Variants in ZNF34 observed in about 807,000 individuals in gnomAD.
The protein encoded by ZNF34 is zinc finger protein 34.
ZNF34 carries 8 observed loss-of-function variants against 14.4 expected under a neutral mutation model. The ratio of observed to expected loss-of-function variants is 0.55; its 90% confidence interval spans 0.33 to 1.00. The LOEUF is 1.00. Among genes scored for constraint, ZNF34 ranks in the 50% least tolerant of loss-of-function variants. ZNF34 has a pLI of 0.03. For missense variants in ZNF34, 538 were observed against 674.2 expected (o/e 0.80, Z 2.24); for synonymous variants, 235 against 247.9 (o/e 0.95, Z 0.49).
In ZNF34 at chr8:144,773,653, G is replaced by A; in HGVS notation, c.1233C>T (p.Thr411=). 1 of 1,614,004 alleles carries A rather than the reference G, an allele frequency of 6.2e-7. No individual in the cohort carries two copies. Among genetic ancestry groups the A allele is most frequent in the Non-Finnish European group, 8.5e-7 (1 of 1,179,960 alleles). The change falls in exon 6 of 6, where the codon ACC becomes ACT. Residue 411 remains threonine (T), a synonymous_variant. Coordinates refer to ENST00000429371, the MANE Select transcript of ZNF34 (RefSeq NM_001286769.2). The surrounding 1 kb of genome is among the most constrained non-coding windows in gnomAD (Gnocchi z 5.4). ...NECEKAFIQK[T]KLVEHQRSHT... is the part of the protein sequence containing the mutation. ...GGCTTCTCTGATGTTCCACGAGTTT[G>A]GTTTTTTGAATGAAAGCTTTCTCAC...
At chr8:144,783,468 T>C (rs1192315127) in intron 1 of ZNF34, among the ~76,000 whole-genome samples, 3 of 152,290 alleles carry the variant, frequency 2.0e-5, no homozygotes, top group South Asian at 4.1e-4. Context: ...ATAATCTACA[T>C]AGAAAATCCA....
intron 1 of ZNF34, among the ~76,000 whole-genome samples, chr8:144,783,155 C>T (rs991307467): frequency 1.2e-4 from 18 of 151,998 alleles, no homozygotes; most frequent in African/African-American, 4.3e-4. Context: ...GTGGCACATG[C>T]CTGTAGTCCC....
At position 144,773,512 on chromosome 8, in the gene ZNF34, C is replaced by T; in HGVS notation, c.1374G>A (p.Glu458=). 3.7e-6 allele frequency: 6 copies of T among 1,614,186 alleles called. No homozygotes were observed. The highest frequency in any genetic ancestry group is 5.1e-6 in the Non-Finnish European group (6 of 1,180,026). The change falls in exon 6 of 6, where the codon GAG becomes GAA. Residue 458 remains glutamate (E), a synonymous_variant. Coordinates refer to ENST00000429371, the MANE Select transcript of ZNF34 (RefSeq NM_001286769.2). This position sits in a 1 kb window ranked among gnomAD's most constrained non-coding sequence, Gnocchi z 5.4. ...AACTGTTGTGGAAGGCCTTCCCACA[C>T]TCGCTGCACTTGTAGGGCTTCTCTC... The part of the protein sequence containing the change: ...HTGEKPYKCS[E]CGKAFHNSSR...
chr8:144,780,509 C>T (rs557733305), intron 1 of ZNF34, among the ~76,000 whole-genome samples: 182 of 152,244 alleles, frequency 1.2e-3, no homozygotes, highest in South Asian at 8.3e-4. Context: ...CAGAACTGGC[C>T]GGGTGTGGTG....
chr8:144,787,150 G>T, intron 1 of ZNF34, 129 bp downstream of exon 1: 1 of 152,480 alleles, frequency 6.6e-6, no homozygotes, highest in Non-Finnish European at 1.5e-5. Flanking sequence ...AGGAAGTGCC[G>T]CTGATGGCGG....
chr8:144,773,137 G>C lies in ZNF34; in HGVS notation c.*129C>G. The C allele has an allele frequency of 9.7e-7, 1 of 1,029,956 alleles. No individual in the cohort carries two copies. The highest frequency in any genetic ancestry group is 1.3e-6 in the Non-Finnish European group (1 of 748,716). 63.8% of individuals were successfully genotyped at this position (1,029,956 alleles called of 1,614,324 possible). ...GCTTTTGATTTAAGAAAAGAGGTTT[G>C]TTTAATGAGAAACGTCCTTTCACTC... On this transcript the variant is annotated 3_prime_UTR_variant, in exon 6 of 6. Transcript: ENST00000429371. The surrounding 1 kb of genome is among the most constrained non-coding windows in gnomAD (Gnocchi z 5.4).
intron 1 of ZNF34, among the ~76,000 whole-genome samples, chr8:144,785,984 T>G (rs1310217692): frequency 7.0e-6 from 1 of 143,856 alleles, no homozygotes. Flanking sequence ...AGGTAGTTTT[T>G]TTTTTTTTTT....
At position 144,776,911 on chromosome 8, in the gene ZNF34, C is replaced by CA. The variant is rs149216566; in HGVS notation, c.280+546dup. On this transcript the variant is annotated intron_variant, in intron 5 of 5. Coordinates refer to ENST00000429371, the MANE Select transcript of ZNF34 (RefSeq NM_001286769.2). The stretch of plus-strand genomic sequence containing the variant: ...TGGGTGATAGAGGGCGACCCTGTCT[C>CA]AAAAAAAAAAAAAAAAAAAAGCAGT... Among the ~76,000 whole-genome samples, 577 of 100,762 alleles carry CA rather than the reference C, an allele frequency of 5.7e-3. 4 individuals carry two copies. Among genetic ancestry groups the CA allele is most frequent in the Middle Eastern group, 0.019 (4 of 206 alleles). The allele number at this position is 100,762 out of a possible 152,430, so 66.1% of individuals were successfully genotyped here. A position where few individuals can be genotyped will look rare whatever the true frequency, so the allele number is the denominator to read the frequency against.
At position 144,779,263 on chromosome 8, in the gene ZNF34, T is replaced by C. The variant is rs1482827195; in HGVS notation, c.-54-738A>G. Among the ~76,000 whole-genome samples, 1 of 152,180 alleles carries C rather than the reference T, an allele frequency of 6.6e-6. No individual in the cohort carries two copies. Among genetic ancestry groups the C allele is most frequent in the African/African-American group, 2.4e-5 (1 of 41,440 alleles). On this transcript the variant is annotated intron_variant, in intron 2 of 5. Transcript: ENST00000429371. This position sits in a 1 kb window ranked among gnomAD's most constrained non-coding sequence, Gnocchi z 4.1. ...CTCTCCCAGGCTCATAAACATGTTC[T>C]CCATTATCTCAGGTAGCAGAGCATA...
chr8:144,776,887 G>A (rs895621108), intron 5 of ZNF34, among the ~76,000 whole-genome samples: 3 of 145,044 alleles, frequency 2.1e-5, no homozygotes, highest in Non-Finnish European at 4.5e-5. Flanking sequence ...ACTCCAGCCT[G>A]GGTGATAGAG....
At chr8:144,781,146 T>G (rs1232184883) in intron 1 of ZNF34, among the ~76,000 whole-genome samples, 1 of 148,808 alleles carries the variant, frequency 6.7e-6, no homozygotes, top group African/African-American at 2.5e-5. Context: ...AATAAATAAA[T>G]AAATAAATAA....
Position 144,777,193 on chromosome 8 carries a change from C to T in ZNF34, c.280+265G>A, listed in dbSNP as rs1189126547. Among the ~76,000 whole-genome samples, 1 of 152,094 alleles carries T rather than the reference C, an allele frequency of 6.6e-6. No individual in the cohort carries two copies. The highest frequency in any genetic ancestry group is 1.5e-5 in the Non-Finnish European group (1 of 68,014). On this transcript the variant is annotated intron_variant, in intron 5 of 5. Transcript: ENST00000429371. The surrounding 1 kb of genome is among the most constrained non-coding windows in gnomAD (Gnocchi z 4.8). ...CACCCCTGTTCTGCACCTACTCACTCCCCTCTACACGGGACCTTGCCTGGA... is the reference window on the plus strand; with the variant it reads ...CACCCCTGTTCTGCACCTACTCACTTCCCTCTACACGGGACCTTGCCTGGA...
chr8:144,786,657 AGAAG>A (rs1172864633), intron 1 of ZNF34, among the ~76,000 whole-genome samples: 1 of 150,296 alleles, frequency 6.7e-6, no homozygotes, highest in Non-Finnish European at 1.5e-5. Context: ...GAGAAAGGAA[AGAAG>A]GAAGAGAAGA....
Position 144,774,541 on chromosome 8 carries a change from G to C in ZNF34, c.345C>G (p.Pro115=), listed in dbSNP as rs1459883166. The C allele has an allele frequency of 5.6e-6, 9 of 1,613,870 alleles. No homozygotes were observed. The highest frequency in any genetic ancestry group is 1.1e-5 in the South Asian group (1 of 91,078). ...AGGCTTCTACTGGCTCAGATCCCTGGGGATCTTCCTCACCAAATGTCTCCT... is the reference window on the plus strand; with the variant it reads ...AGGCTTCTACTGGCTCAGATCCCTGCGGATCTTCCTCACCAAATGTCTCCT... The part of the protein sequence containing the change: ...TSQETFGEED[P]QGSEPVEACD... Residue 115 remains proline, a synonymous_variant, in exon 6 of 6, where the codon CCC becomes CCG. Transcript: ENST00000429371.
At chr8:144,778,325 C>T in intron 3 of ZNF34, 114 bp downstream of exon 3, 1 of 1,366,286 alleles carries the variant, frequency 7.3e-7, no homozygotes, top group Non-Finnish European at 9.9e-7. Context: ...GCATGGGGGT[C>T]TCAGGGCCAC....
chr8:144,785,979 GTTTTTT>G (rs35149527), intron 1 of ZNF34, among the ~76,000 whole-genome samples: 1 of 99,312 alleles, frequency 1.0e-5, no homozygotes, highest in South Asian at 3.8e-4. Context: ...TACATAGGTA[GTTTTTT>G]TTTTTTTTTT....
At chr8:144,786,954 G>A (rs1313360960) in intron 1 of ZNF34, among the ~76,000 whole-genome samples, 1 of 152,112 alleles carries the variant, frequency 6.6e-6, no homozygotes, top group African/African-American at 2.4e-5. Context: ...GGGACCAAGG[G>A]GTCTGGAGCG....
Position 144,773,758 on chromosome 8 carries a change from G to C in ZNF34, c.1128C>G (p.Gly376=), listed in dbSNP as rs771363515. The change falls in exon 6 of 6, where the codon GGC becomes GGG. Residue 376 remains glycine, a synonymous_variant. Transcript: ENST00000429371. The surrounding 1 kb of genome is among the most constrained non-coding windows in gnomAD (Gnocchi z 5.4). Reference sequence around the variant, plus strand: ...GGTTAGAACTTTGTGTAAAGCCTTTGCCACATTCCTTGCACTCAAATGGCT... The same window carrying C: ...GGTTAGAACTTTGTGTAAAGCCTTTCCCACATTCCTTGCACTCAAATGGCT... ...GEKPFECKEC[G]KGFTQSSNLI... 5 of 1,614,000 alleles carry C rather than the reference G, an allele frequency of 3.1e-6. No individual in the cohort carries two copies. Among genetic ancestry groups the C allele is most frequent in the African/African-American group, 1.3e-5 (1 of 75,030 alleles).
chr8:144,774,727 A>C (rs1301629760), intron 5 of ZNF34, 122 bp from the exon 6 acceptor site: 11 of 1,226,576 alleles, frequency 9.0e-6, no homozygotes, highest in Non-Finnish European at 1.2e-5. Context: ...ACAGCCTTGC[A>C]AAGATAAGAG....
Sources: gnomAD v4.1 joint callset for allele counts (sites outside exome capture counted in the v4.1 genomes callset) on GRCh38, gnomAD v4.1.1 for gene constraint, Gnocchi (gnomAD v3.1) non-coding constraint, MANE v1.5 for transcripts, NCBI Gene and HGNC (gene_info 2026-07-23, HGNC 2026-07-21) for gene names.